The following LRIG1 variants were observed in gnomAD, a reference collection of about 807,000 sequenced individuals.
LRIG1 encodes leucine-rich repeats and immunoglobulin-like domains protein 1.
LRIG1 carries 48 observed loss-of-function variants against 99.2 expected under a neutral mutation model. That is an observed-to-expected ratio of 0.48 (90% confidence interval 0.38 to 0.62). The LOEUF is 0.62. Ranked by LOEUF, LRIG1 falls within the 20% of genes least tolerant of loss-of-function variation. The probability of loss-of-function intolerance (pLI) is 0.00; values close to 1 mark genes in which losing one functional copy is unlikely to be tolerated. For missense variants in LRIG1, 1,646 were observed against 1,434.4 expected, an observed-to-expected ratio of 1.15 and a Z score of -2.38; for synonymous variants, 772 against 596.1, an observed-to-expected ratio of 1.29 and a Z score of -4.30.
chr3:66,475,599 C>G (rs930299811), intron 1 of LRIG1, among the ~76,000 whole-genome samples: 1 of 152,238 alleles, frequency 6.6e-6, no homozygotes, highest in African/African-American at 2.4e-5. Flanking sequence ...CTCTGCGAAA[C>G]TGTGCTGACA....
intron 11 of LRIG1, among the ~76,000 whole-genome samples, chr3:66,396,800 A>T (rs1355390570): frequency 4.6e-5 from 7 of 152,234 alleles, no homozygotes; most frequent in African/African-American, 1.4e-4. Flanking sequence ...AGGTGAAAGA[A>T]TTCCACAGTG....
At chr3:66,421,257 C>A (rs1373318187) in intron 3 of LRIG1, among the ~76,000 whole-genome samples, 1 of 152,180 alleles carries the variant, frequency 6.6e-6, no homozygotes, top group East Asian at 1.9e-4. Flanking sequence ...AACAGTCCCC[C>A]AAAGTCTTAA....
At chr3:66,446,371 G>A (rs1174370720) in intron 3 of LRIG1, among the ~76,000 whole-genome samples, 4 of 143,422 alleles carry the variant, frequency 2.8e-5, no homozygotes, top group Non-Finnish European at 6.1e-5. Flanking sequence ...ACAGAGGGCT[G>A]TTAAGTATCC....
chr3:66,398,081 T>C (rs2107980510), intron 11 of LRIG1, 31 bp downstream of exon 11: 1 of 1,561,954 alleles, frequency 6.4e-7, no homozygotes, highest in Non-Finnish European at 8.8e-7. Flanking sequence ...TCCACTACCA[T>C]TAATCAGACC....
At chr3:66,427,274 G>A (rs923331684) in intron 3 of LRIG1, among the ~76,000 whole-genome samples, 1 of 152,186 alleles carries the variant, frequency 6.6e-6, no homozygotes. Context: ...ATGAAGGCGT[G>A]CACACATTCA....
chr3:66,494,038 GA>G (rs1201492166), intron 1 of LRIG1, among the ~76,000 whole-genome samples: 5 of 151,702 alleles, frequency 3.3e-5, no homozygotes, highest in African/African-American at 1.2e-4. Flanking sequence ...AAGAAGGAAG[GA>G]ATCTGGCTTG....
rs115373438 is a variant in LRIG1 at position 66,448,485 on chromosome 3, T to C, written c.365+3074A>G. ...GGTCAGAGGGTAACTATGTCTTTTGTGACATTATTGCCCCTACTCTCAACT... is the reference window on the plus strand; with the variant it reads ...GGTCAGAGGGTAACTATGTCTTTTGCGACATTATTGCCCCTACTCTCAACT... On this transcript the variant is annotated intron_variant, in intron 3 of 18. Transcript: ENST00000273261. 7.6e-3 allele frequency among the ~76,000 whole-genome samples: 1,164 copies of C among 152,312 alleles called. 10 individuals carry two copies. Among genetic ancestry groups the C allele is most frequent in the Non-Finnish European group, 0.013 (868 of 68,014 alleles).
At chr3:66,399,163 C>CA (rs1201259172) in intron 9 of LRIG1, 122 bp from the exon 10 acceptor site, 3 of 769,046 alleles carry the variant, frequency 3.9e-6, no homozygotes, top group Admixed American at 2.2e-5. Flanking sequence ...TAAGTCTGTC[C>CA]AGTGAGGGGC....
intron 3 of LRIG1, among the ~76,000 whole-genome samples, chr3:66,434,047 C>T (rs148157578): frequency 3.9e-5 from 6 of 152,262 alleles, no homozygotes; most frequent in East Asian, 1.9e-4. Flanking sequence ...TTAGACCTGA[C>T]GCTAAAAGCA....
chr3:66,445,444 G>T (rs1403864742), intron 3 of LRIG1, among the ~76,000 whole-genome samples: 2 of 152,000 alleles, frequency 1.3e-5, no homozygotes, highest in Admixed American at 1.3e-4. Context: ...CTCTTAATCT[G>T]GTGACTGGTG....
intron 3 of LRIG1, among the ~76,000 whole-genome samples, chr3:66,445,585 A>G (rs370827311): frequency 2.3e-4 from 35 of 152,352 alleles, no homozygotes; most frequent in African/African-American, 7.7e-4. Context: ...AAATGCACAA[A>G]GAGCTCCACC....
At chr3:66,403,355 C>T (rs927047609) in intron 9 of LRIG1, among the ~76,000 whole-genome samples, 5 of 152,058 alleles carry the variant, frequency 3.3e-5, no homozygotes, top group African/African-American at 1.2e-4. Flanking sequence ...TATTTATTGT[C>T]CCAGCTTCCC....
intron 3 of LRIG1, among the ~76,000 whole-genome samples, chr3:66,428,917 G>A (rs1296030480): frequency 6.6e-6 from 1 of 152,192 alleles, no homozygotes; most frequent in Admixed American, 6.5e-5. Context: ...GTTCCCTGGG[G>A]AATTTTGGCA....
chr3:66,486,340 G>C (rs1206263648), intron 1 of LRIG1, among the ~76,000 whole-genome samples: 1 of 152,144 alleles, frequency 6.6e-6, no homozygotes, highest in Non-Finnish European at 1.5e-5. Flanking sequence ...AGGTCACCCA[G>C]GCAGCCAGGC....
chr3:66,435,003 G>C (rs911811071), intron 3 of LRIG1, among the ~76,000 whole-genome samples: 4 of 152,114 alleles, frequency 2.6e-5, no homozygotes, highest in Non-Finnish European at 5.9e-5. Context: ...GTTCATAGCA[G>C]TATTTTTTAA....
chr3:66,379,984 C>A lies in LRIG1; in HGVS notation c.*279G>T. 2 of 243,132 alleles carry A rather than the reference C, an allele frequency of 8.2e-6. No homozygotes were observed. Among genetic ancestry groups the A allele is most frequent in the South Asian group, 1.4e-4 (1 of 7,064 alleles). The allele number at this position is 243,132 out of a possible 1,614,324, so 15.1% of individuals were successfully genotyped here. A position where few individuals can be genotyped will look rare whatever the true frequency, so the allele number is the denominator to read the frequency against. ...AAATTGTATAATTTTTTTCTGTTAACCATGCACTAAAGATTAAAATAGCCT... is the reference window on the plus strand; with the variant it reads ...AAATTGTATAATTTTTTTCTGTTAAACATGCACTAAAGATTAAAATAGCCT... On this transcript the variant is annotated 3_prime_UTR_variant, in exon 19 of 19. Transcript: ENST00000273261.
chr3:66,415,412 C>G (rs567827471), intron 4 of LRIG1, among the ~76,000 whole-genome samples: 65 of 152,282 alleles, frequency 4.3e-4, no homozygotes, highest in African/African-American at 1.5e-3. Flanking sequence ...CTTCTCACCA[C>G]CCAGTGCCCA....
intron 17 of LRIG1, 103 bp from the exon 18 acceptor site, chr3:66,380,964 T>C (rs565525681): frequency 1.6e-6 from 2 of 1,221,128 alleles, no homozygotes; most frequent in African/African-American, 3.0e-5. Context: ...GTGAGAACCC[T>C]GACTGCAAAC....
At chr3:66,498,069 T>A (rs979809341) in intron 1 of LRIG1, 1 of 152,170 alleles carries the variant, frequency 6.6e-6, no homozygotes. Context: ...TTGTCCTTAA[T>A]CAGAAATAAG....
Sources: gnomAD v4.1 joint callset for allele counts (sites outside exome capture counted in the v4.1 genomes callset) on GRCh38, gnomAD v4.1.1 for gene constraint, MANE v1.5 for transcripts, NCBI Gene and HGNC (gene_info 2026-07-23, HGNC 2026-07-21) for gene names.